STX8: variants seen among roughly 807,000 people sequenced by gnomAD.
STX8 encodes syntaxin-8.
STX8 carries 23 observed loss-of-function variants against 37.5 expected under a neutral mutation model. The observed-to-expected ratio is 0.61, with a 90% CI of 0.44 to 0.87. The LOEUF is 0.87. Among genes scored for constraint, STX8 ranks in the 40% least tolerant of loss-of-function variants. STX8 has a pLI of 0.00. For missense variants in STX8, 313 were observed against 284.7 expected, an observed-to-expected ratio of 1.10 and a Z score of -0.71; for synonymous variants, 115 against 99.1, an observed-to-expected ratio of 1.16 and a Z score of -0.95.
At chr17:9,372,279 T>C (rs1597630127) in intron 7 of STX8, among the ~76,000 whole-genome samples, 2 of 150,270 alleles carry the variant, frequency 1.3e-5, no homozygotes, top group East Asian at 4.1e-4. Flanking sequence ...CAACCCCCCA[T>C]GGTAAGTTTA....
At chr17:9,441,954 C>A (rs1338155378) in intron 6 of STX8, among the ~76,000 whole-genome samples, 2 of 152,098 alleles carry the variant, frequency 1.3e-5, no homozygotes, top group African/African-American at 4.8e-5. Flanking sequence ...GGATTACATA[C>A]CGCGCCTGGC....
At chr17:9,444,177 CAG>C (rs35676068) in intron 6 of STX8, among the ~76,000 whole-genome samples, 39,961 of 151,306 alleles carry the variant, frequency 0.26, 6,045 homozygotes, top group Middle Eastern at 0.38. Flanking sequence ...TTTATAGAGA[CAG>C]AGTCTTGCTA....
chr17:9,260,971 G>A (rs775938027), intron 7 of STX8, among the ~76,000 whole-genome samples: 6 of 152,246 alleles, frequency 3.9e-5, no homozygotes, highest in Non-Finnish European at 7.3e-5. Flanking sequence ...GGGGGCCAGA[G>A]GGAGCAAGAG....
intron 7 of STX8, among the ~76,000 whole-genome samples, chr17:9,305,000 T>C (rs559656156): frequency 3.1e-4 from 47 of 151,944 alleles, no homozygotes; most frequent in African/African-American, 1.1e-3. Flanking sequence ...TTTAGTATGG[T>C]GATTTCAGCT....
At chr17:9,550,966 T>C (rs538373990) in intron 3 of STX8, among the ~76,000 whole-genome samples, 1 of 152,156 alleles carries the variant, frequency 6.6e-6, no homozygotes, top group South Asian at 2.1e-4. Flanking sequence ...TCCCAGGTAC[T>C]TGGGAGGCTG....
chr17:9,327,171 GAA>G (rs1567784846), intron 7 of STX8, among the ~76,000 whole-genome samples: 2 of 140,806 alleles, frequency 1.4e-5, no homozygotes, highest in Admixed American at 1.4e-4. Context: ...AAAAAAAAAA[GAA>G]GAAGAAGAAG....
At chr17:9,371,135 A>G (rs1010856157) in intron 7 of STX8, among the ~76,000 whole-genome samples, 2 of 152,312 alleles carry the variant, frequency 1.3e-5, no homozygotes, top group South Asian at 2.1e-4. Flanking sequence ...GGCCCCTTGC[A>G]GTTCAGTCTG....
rs375108318 is a variant in STX8 at position 9,486,918 on chromosome 17, C to T, written c.541+4911G>A. On this transcript the variant is annotated intron_variant, in intron 6 of 7. Transcript: ENST00000306357. ...TCATGAGCCCTTTGTGCCCTCCCAC[C>T]CATAGAGGCCACCTGGAACTAAAGA... 7.2e-5 allele frequency among the ~76,000 whole-genome samples: 11 copies of T among 152,176 alleles called. No individual in the cohort carries two copies. In the South Asian group the frequency reaches 1.7e-3, roughly 23 times the overall value.
intron 7 of STX8, among the ~76,000 whole-genome samples, chr17:9,260,294 G>A (rs1906961477): frequency 6.6e-6 from 1 of 152,018 alleles, no homozygotes; most frequent in East Asian, 1.9e-4. Flanking sequence ...CTGCACCTCA[G>A]CCTGGGTGAC....
intron 7 of STX8, among the ~76,000 whole-genome samples, chr17:9,299,017 TTGTCGG>T (rs757927653): frequency 2.0e-5 from 3 of 152,196 alleles, no homozygotes; most frequent in Non-Finnish European, 4.4e-5. Flanking sequence ...GGTTTTTCTC[TTGTCGG>T]TGTTTTGCGA....
At chr17:9,275,636 A>G (rs1179085371) in intron 7 of STX8, among the ~76,000 whole-genome samples, 224 of 151,858 alleles carry the variant, frequency 1.5e-3, no homozygotes, top group African/African-American at 5.1e-3. Flanking sequence ...TTGAGAGGCC[A>G]AGGTGGGTGG....
chr17:9,544,747 C>T (rs907026306), intron 4 of STX8, among the ~76,000 whole-genome samples: 8 of 152,282 alleles, frequency 5.3e-5, no homozygotes, highest in African/African-American at 1.7e-4. Context: ...AATCCCAGCA[C>T]TTTGGGAGGC....
At chr17:9,304,670 T>C (rs1908907257) in intron 7 of STX8, among the ~76,000 whole-genome samples, 1 of 152,060 alleles carries the variant, frequency 6.6e-6, no homozygotes, top group Non-Finnish European at 1.5e-5. Context: ...GAAATAATAT[T>C]TTTTCCTCTA....
chr17:9,396,481 T>A (rs1284254394), intron 6 of STX8, among the ~76,000 whole-genome samples: 1 of 151,158 alleles, frequency 6.6e-6, no homozygotes, highest in East Asian at 1.9e-4. Flanking sequence ...TCAGCTGAGG[T>A]GGGCGGGTCA....
chr17:9,471,031 C>CTTTT (rs757411419), intron 6 of STX8, among the ~76,000 whole-genome samples: 396 of 33,044 alleles, frequency 0.012, 101 homozygotes, highest in African/African-American at 0.04. Flanking sequence ...CTGCATCCTG[C>CTTTT]TTTTTTTTTT....
At chr17:9,572,895 G>C (rs769241045) in intron 1 of STX8, among the ~76,000 whole-genome samples, 1 of 152,068 alleles carries the variant, frequency 6.6e-6, no homozygotes, top group African/African-American at 2.4e-5. Context: ...CATTAACTGC[G>C]GAAGAAGCTT....
chr17:9,494,079 G>T (rs77494235), intron 5 of STX8, among the ~76,000 whole-genome samples: 25,660 of 150,858 alleles, frequency 0.17, 2,326 homozygotes, highest in South Asian at 0.24. Context: ...GCAGTGGCGC[G>T]ATCTCGGCTC....
chr17:9,332,509 C>G (rs1395315806), intron 7 of STX8, among the ~76,000 whole-genome samples: 1 of 152,200 alleles, frequency 6.6e-6, no homozygotes, highest in Non-Finnish European at 1.5e-5. Flanking sequence ...TTTCACTTCT[C>G]CCAAGGTTCC....
chr17:9,417,823 C>CA (rs1220306316), intron 6 of STX8, among the ~76,000 whole-genome samples: 1 of 152,204 alleles, frequency 6.6e-6, no homozygotes, highest in East Asian at 1.9e-4. Context: ...TGATGGGACT[C>CA]AGAGAGCTTC....
Sources: gnomAD v4.1 joint callset for allele counts (sites outside exome capture counted in the v4.1 genomes callset) on GRCh38, gnomAD v4.1.1 for gene constraint, MANE v1.5 for transcripts, NCBI Gene and HGNC (gene_info 2026-07-23, HGNC 2026-07-21) for gene names.